Variants in GNA14 observed in about 807,000 individuals in gnomAD.
GNA14 encodes G protein subunit alpha 14.
A neutral mutation model predicts 42.0 loss-of-function variants in GNA14; 50 were observed. The observed-to-expected ratio is 1.19, with a 90% CI of 0.95 to 1.51. The LOEUF (loss-of-function observed/expected upper bound fraction) is 1.51. GNA14 is among the 40% of genes most tolerant of loss of function. The pLI is 0.00. For synonymous variants in GNA14, 173 were observed against 163.1 expected (o/e 1.06, Z -0.46); for missense variants, 473 against 446.2 (o/e 1.06, Z -0.54).
chr9:77,566,145 C>CTTTTTT (rs956489720), intron 1 of GNA14, among the ~76,000 whole-genome samples: 29 of 102,508 alleles, frequency 2.8e-4, no homozygotes, highest in African/African-American at 8.7e-4. Context: ...GGGAGTGCTT[C>CTTTTTT]TTTTTTTTTT....
chr9:77,429,861 C>T (rs1315634916), intron 4 of GNA14, among the ~76,000 whole-genome samples: 1 of 152,042 alleles, frequency 6.6e-6, no homozygotes, highest in Non-Finnish European at 1.5e-5. Flanking sequence ...ACCAAGTGAG[C>T]CAAAGAAAAT....
In GNA14 at chr9:77,647,661, G is replaced by C; in HGVS notation, c.124+9C>G. 1 of 1,606,876 alleles carries C rather than the reference G, an allele frequency of 6.2e-7. No homozygotes were observed. Among genetic ancestry groups the C allele is most frequent in the Non-Finnish European group, 8.5e-7 (1 of 1,177,206 alleles). ...CCGGCTCACTGGAGTCGGAGACGCA[G>C]CCACTCACCCAGCAGCAGCAGCTTA... is the stretch of plus-strand genomic sequence containing the variant. On this transcript the variant is annotated intron_variant, in intron 1 of 6. Coordinates refer to ENST00000341700, the MANE Select transcript of GNA14 (RefSeq NM_004297.4).
At chr9:77,548,174 G>T (rs1481173205) in intron 1 of GNA14, among the ~76,000 whole-genome samples, 1 of 152,298 alleles carries the variant, frequency 6.6e-6, no homozygotes, top group Non-Finnish European at 1.5e-5. Context: ...GAGGGACTCT[G>T]CTCCATGCTC....
chr9:77,447,491 T>C (rs1379706185), intron 2 of GNA14, among the ~76,000 whole-genome samples: 1 of 152,198 alleles, frequency 6.6e-6, no homozygotes, highest in East Asian at 1.9e-4. Flanking sequence ...TTTTTCAGTT[T>C]CTTTCCTTTA....
chr9:77,557,235 G>A (rs1400258261), intron 1 of GNA14, among the ~76,000 whole-genome samples: 19 of 152,200 alleles, frequency 1.2e-4, no homozygotes, highest in African/African-American at 4.1e-4. Flanking sequence ...ATGGGAGAAA[G>A]AGAAAGGGAC....
chr9:77,451,693 A>G (rs1048300579), intron 2 of GNA14, among the ~76,000 whole-genome samples: 1 of 152,194 alleles, frequency 6.6e-6, no homozygotes, highest in African/African-American at 2.4e-5. Flanking sequence ...TCTGGACCAC[A>G]GGTTTTTCCA....
At chr9:77,578,969 T>G (rs2117852160) in intron 1 of GNA14, among the ~76,000 whole-genome samples, 1 of 152,242 alleles carries the variant, frequency 6.6e-6, no homozygotes, top group African/African-American at 2.4e-5. Context: ...TATCTCGGAC[T>G]ATAAGGTGAT....
chr9:77,622,991 G>A (rs1308165299), intron 1 of GNA14, among the ~76,000 whole-genome samples: 1 of 151,062 alleles, frequency 6.6e-6, no homozygotes, highest in Non-Finnish European at 1.5e-5. Flanking sequence ...AAGATGAGCG[G>A]ATCACCTGAG....
At chr9:77,526,077 T>A (rs565651912) in intron 2 of GNA14, among the ~76,000 whole-genome samples, 3 of 74,760 alleles carry the variant, frequency 4.0e-5, no homozygotes, top group African/African-American at 2.2e-4. Flanking sequence ...AATTTTTGTA[T>A]TTTTTTTTTT....
chr9:77,523,990 T>C (rs1180602482), intron 2 of GNA14, among the ~76,000 whole-genome samples: 1 of 152,176 alleles, frequency 6.6e-6, no homozygotes, highest in African/African-American at 2.4e-5. Flanking sequence ...CTGGCTTCTG[T>C]GAAATCATCA....
chr9:77,634,032 T>C (rs1449560962), intron 1 of GNA14, among the ~76,000 whole-genome samples: 4 of 152,168 alleles, frequency 2.6e-5, no homozygotes, highest in Non-Finnish European at 1.5e-5. Context: ...TGTTTCAAAG[T>C]AAAGCAACAG....
chr9:77,464,548 AT>A lies in GNA14; in HGVS notation c.310-30027del, dbSNP rs201877812. On this transcript the variant is annotated intron_variant, in intron 2 of 6. Transcript: ENST00000341700. ...TTATTTCTATTTCATTTTTAAAAAC[AT>A]TTTTTTTGAGATACAATTCCCATAC... Among the ~76,000 whole-genome samples the A allele has an allele frequency of 1.3e-4, 20 of 151,862 alleles. No individual in the cohort carries two copies. The East Asian group carries it at 2.9e-3, about 22-fold the overall frequency.
At chr9:77,452,549 AGT>A (rs200313599) in intron 2 of GNA14, among the ~76,000 whole-genome samples, 159 of 55,170 alleles carry the variant, frequency 2.9e-3, no homozygotes, top group African/African-American at 8.4e-3. Context: ...ACTGCACACA[AGT>A]GTGTGTGTGT....
intron 1 of GNA14, among the ~76,000 whole-genome samples, chr9:77,599,198 G>T (rs1823513740): frequency 6.6e-6 from 1 of 152,170 alleles, no homozygotes; most frequent in Non-Finnish European, 1.5e-5. Context: ...GTAAAGTAAG[G>T]AAACAGTACT....
chr9:77,492,904 G>T (rs1220614323), intron 2 of GNA14, among the ~76,000 whole-genome samples: 1 of 150,562 alleles, frequency 6.6e-6, no homozygotes. Context: ...GGGAGGCTGA[G>T]GCAGGAGAAT....
intron 3 of GNA14, chr9:77,431,707 C>G (rs1835558242): frequency 1.1e-5 from 4 of 366,174 alleles, no homozygotes; most frequent in Non-Finnish European, 2.0e-5. Flanking sequence ...CTCCTGGGTT[C>G]TAAGCTCTAT....
chr9:77,579,355 G>A (rs542572420), intron 1 of GNA14, among the ~76,000 whole-genome samples: 26 of 152,084 alleles, frequency 1.7e-4, no homozygotes, highest in African/African-American at 6.3e-4. Flanking sequence ...GTGTAGGGAA[G>A]GGGTTGCCTC....
chr9:77,512,409 G>A (rs1837186676), intron 2 of GNA14, among the ~76,000 whole-genome samples: 1 of 152,092 alleles, frequency 6.6e-6, no homozygotes, highest in South Asian at 2.1e-4. Context: ...ATAAACAGAA[G>A]TAAAAAGAAG....
chr9:77,603,462 A>G (rs1383481961), intron 1 of GNA14, among the ~76,000 whole-genome samples: 1 of 152,166 alleles, frequency 6.6e-6, no homozygotes. Flanking sequence ...AACAATGCAT[A>G]TTTGTGTAAC....
Sources: allele counts gnomAD v4.1 joint callset (sites outside exome capture counted in the v4.1 genomes callset), GRCh38; gene constraint gnomAD v4.1.1; transcripts MANE v1.5; gene names NCBI Gene and HGNC (gene_info 2026-07-23, HGNC 2026-07-21).